KRABD3: variants seen among roughly 807,000 people sequenced by gnomAD.
KRABD3 encodes KRAB domain containing 3, also known as KRAB domain-containing protein 3.
the KRABD3 span, among the ~76,000 whole-genome samples, chr7:149,724,053 C>G: frequency 6.6e-6 from 1 of 152,150 alleles, no homozygotes; most frequent in Admixed American, 6.5e-5. Flanking sequence ...GTGGAGCGAG[C>G]TGTGTGGGAG....
chr7:149,731,404 G>A, the KRABD3 span, among the ~76,000 whole-genome samples: 4 of 152,088 alleles, frequency 2.6e-5, no homozygotes, highest in Non-Finnish European at 4.4e-5. Flanking sequence ...GGCAGGACCC[G>A]CAGATGAGAG....
chr7:149,733,530 G>A, the KRABD3 span: 9 of 1,596,124 alleles, frequency 5.6e-6, no homozygotes, highest in African/African-American at 1.3e-5. Context: ...ACCCTCCCAC[G>A]GGGACCTCGC....
the KRABD3 span, chr7:149,715,262 C>A: frequency 3.3e-6 from 4 of 1,220,020 alleles, no homozygotes; most frequent in Non-Finnish European, 4.1e-6. Context: ...GTACCCACGG[C>A]CCAGTCTCCA....
chr7:149,722,496 C>CCCCCCAA, the KRABD3 span: 1 of 1,603,358 alleles, frequency 6.2e-7, no homozygotes, highest in Non-Finnish European at 8.5e-7. Context: ...CCCTCCCACC[C>CCCCCCAA]ATAGCCCCAG....
At chr7:149,730,651 G>C in the KRABD3 span, 5 of 1,499,382 alleles carry the variant, frequency 3.3e-6, no homozygotes, top group Non-Finnish European at 4.5e-6. Context: ...AGTCCTGCCT[G>C]TCGCTTTGCC....
At chr7:149,729,634 G>T in the KRABD3 span, 2 of 985,458 alleles carry the variant, frequency 2.0e-6, no homozygotes, top group South Asian at 9.4e-5. Context: ...TCTTGAGGGG[G>T]CTCCCGCCGT....
At chr7:149,726,629 A>G in the KRABD3 span, among the ~76,000 whole-genome samples, 1 of 151,384 alleles carries the variant, frequency 6.6e-6, no homozygotes, top group African/African-American at 2.4e-5. Flanking sequence ...GTAGAGAAGA[A>G]GTTTCGCCAT....
the KRABD3 span, chr7:149,733,848 T>G: frequency 6.2e-7 from 1 of 1,600,564 alleles, no homozygotes; most frequent in Non-Finnish European, 8.5e-7. Context: ...CCCCCTTTAG[T>G]GCCTGCTGCC....
the KRABD3 span, among the ~76,000 whole-genome samples, chr7:149,723,315 G>A: frequency 6.6e-6 from 1 of 152,214 alleles, no homozygotes; most frequent in South Asian, 2.1e-4. Flanking sequence ...CACAGGTCTT[G>A]GAGTCAGACC....
the KRABD3 span, chr7:149,733,362 T>A: frequency 6.2e-7 from 1 of 1,612,178 alleles, no homozygotes; most frequent in South Asian, 1.1e-5. Flanking sequence ...CAGCAGGAGC[T>A]GCACAGCCTC....
the KRABD3 span, chr7:149,730,131 C>G: frequency 6.7e-7 from 1 of 1,488,038 alleles, no homozygotes; most frequent in South Asian, 1.4e-5. Context: ...AGAGCACTCT[C>G]TGGTCCCCTG....
the KRABD3 span, chr7:149,734,318 G>C: frequency 2.1e-6 from 1 of 483,998 alleles, no homozygotes; most frequent in Non-Finnish European, 3.7e-6. Context: ...CACTGGAGCC[G>C]CCCAAGCTTG....
the KRABD3 span, among the ~76,000 whole-genome samples, chr7:149,732,932 G>A: frequency 6.6e-6 from 1 of 152,144 alleles, no homozygotes; most frequent in South Asian, 2.1e-4. The surrounding 1 kb of genome is among the most constrained non-coding windows in gnomAD (Gnocchi z 4.0). Flanking sequence ...CCTAGAAGGT[G>A]GGAAGACCGC....
chr7:149,720,046 C>A, the KRABD3 span: 2 of 1,552,394 alleles, frequency 1.3e-6, no homozygotes, highest in Non-Finnish European at 1.7e-6. Flanking sequence ...TTTCCTGTCA[C>A]CCTCAGAGCC....
the KRABD3 span, chr7:149,731,813 C>A: frequency 4.0e-6 from 6 of 1,497,212 alleles, no homozygotes; most frequent in Non-Finnish European, 5.5e-6. Flanking sequence ...TCTGCACGGG[C>A]CAGGACCCAG....
chr7:149,719,502 C>T, the KRABD3 span: 1 of 1,528,932 alleles, frequency 6.5e-7, no homozygotes, highest in Non-Finnish European at 8.8e-7. The surrounding 1 kb of genome is among the most constrained non-coding windows in gnomAD (Gnocchi z 5.6). Flanking sequence ...AGGCTGTCCC[C>T]TCTGGGATGG....
At chr7:149,719,802 G>A in the KRABD3 span, 1 of 1,259,750 alleles carries the variant, frequency 7.9e-7, no homozygotes, top group South Asian at 1.6e-5. This position sits in a 1 kb window ranked among gnomAD's most constrained non-coding sequence, Gnocchi z 5.6. Flanking sequence ...TCACGCTGCT[G>A]CTATTCTATG....
chr7:149,726,009 G>A, the KRABD3 span: 2 of 1,613,026 alleles, frequency 1.2e-6, no homozygotes, highest in East Asian at 2.2e-5. Flanking sequence ...CACCGACTGG[G>A]ACCTGGATTT....
the KRABD3 span, among the ~76,000 whole-genome samples, chr7:149,717,704 G>A: frequency 2.6e-5 from 4 of 152,276 alleles, no homozygotes; most frequent in East Asian, 3.9e-4. Context: ...TGTAGATGCA[G>A]CCTGGCCAGA....
Sources: allele counts gnomAD v4.1 joint callset (sites outside exome capture counted in the v4.1 genomes callset), GRCh38; gene constraint gnomAD v4.1.1; non-coding constraint Gnocchi (gnomAD v3.1); transcripts MANE v1.5; gene names NCBI Gene and HGNC (gene_info 2026-07-23, HGNC 2026-07-21).